Variants in CAMK1D observed in about 807,000 individuals in gnomAD.
CAMK1D encodes the protein calcium/calmodulin-dependent protein kinase type 1D.
CAMK1D carries 9 observed loss-of-function variants against 47.7 expected under a neutral mutation model. The observed-to-expected ratio is 0.19, with a 90% confidence interval of 0.11 to 0.33. CAMK1D has a LOEUF of 0.33. Among genes scored for constraint, CAMK1D ranks in the 10% least tolerant of loss-of-function variants. The pLI, the probability that CAMK1D is intolerant of heterozygous loss-of-function variation, is 1.00. For synonymous variants in CAMK1D, 184 were observed against 184.9 expected (o/e 0.99, Z 0.04); for missense variants, 291 against 488.7 (o/e 0.60, Z 3.81).
At chr10:12,385,232 C>G (rs1481656670) in intron 1 of CAMK1D, among the ~76,000 whole-genome samples, 2 of 152,192 alleles carry the variant, frequency 1.3e-5, no homozygotes, top group Non-Finnish European at 2.9e-5. Context: ...AATGAGCCAG[C>G]CATTCTGTTC....
intron 1 of CAMK1D, among the ~76,000 whole-genome samples, chr10:12,350,539 G>A (rs1837323720): frequency 2.0e-5 from 3 of 147,998 alleles, no homozygotes; most frequent in African/African-American, 7.4e-5. Flanking sequence ...CGTCTCCAAG[G>A]GAGGGTCTGT....
At chr10:12,771,869 A>G (rs1009834480) in intron 5 of CAMK1D, among the ~76,000 whole-genome samples, 3 of 152,134 alleles carry the variant, frequency 2.0e-5, no homozygotes, top group Non-Finnish European at 2.9e-5. Flanking sequence ...CCCCATCTCT[A>G]CTAAAAATAC....
chr10:12,457,133 G>A (rs1463495545), intron 1 of CAMK1D, among the ~76,000 whole-genome samples: 6 of 152,240 alleles, frequency 3.9e-5, no homozygotes, highest in Middle Eastern at 3.4e-3. Flanking sequence ...GCTCACGCCT[G>A]TAATCCCAGC....
In CAMK1D at chr10:12,833,848, T is replaced by G. The variant is rs140557319; in HGVS notation, c.*4961T>G. On this transcript the variant is annotated 3_prime_UTR_variant, in exon 11 of 11. Coordinates refer to ENST00000619168, the MANE Select transcript of CAMK1D (RefSeq NM_153498.4). ...GAAACTGTACTTCTTCCCTATTCTG[T>G]CTACCCACACTCTGCGAACTTTGCC... 2.0e-5 allele frequency: 3 copies of G among 150,968 alleles called. No individual in the cohort carries two copies. Among genetic ancestry groups the G allele is most frequent in the African/African-American group, 7.3e-5 (3 of 40,974 alleles). The allele number at this position is 150,968 out of a possible 1,614,324, so 9.4% of individuals were successfully genotyped here.
At chr10:12,515,193 T>C (rs1376174228) in intron 1 of CAMK1D, among the ~76,000 whole-genome samples, 1 of 151,872 alleles carries the variant, frequency 6.6e-6, no homozygotes. Flanking sequence ...GTTTTTAAAT[T>C]TATATGCAGT....
intron 6 of CAMK1D, among the ~76,000 whole-genome samples, chr10:12,796,916 T>G (rs1363283021): frequency 6.6e-6 from 1 of 152,242 alleles, no homozygotes; most frequent in African/African-American, 2.4e-5. Flanking sequence ...GACTGGACTG[T>G]CCACTTACTA....
chr10:12,827,888 C>T (rs1833314640), intron 10 of CAMK1D, among the ~76,000 whole-genome samples: 1 of 152,038 alleles, frequency 6.6e-6, no homozygotes, highest in Admixed American at 6.6e-5. Flanking sequence ...AGGGTTGCCC[C>T]AGCTGGTCTG....
chr10:12,555,762 G>A (rs1286516903), intron 2 of CAMK1D, among the ~76,000 whole-genome samples: 2 of 152,226 alleles, frequency 1.3e-5, no homozygotes, highest in African/African-American at 4.8e-5. Flanking sequence ...TTGATGGATC[G>A]AGGGTGATGA....
intron 5 of CAMK1D, among the ~76,000 whole-genome samples, chr10:12,777,533 C>T (rs1308561670): frequency 6.6e-6 from 1 of 151,892 alleles, no homozygotes. Flanking sequence ...CCACCATGCC[C>T]TAGGCTAATT....
intron 1 of CAMK1D, among the ~76,000 whole-genome samples, chr10:12,398,602 G>A (rs1471204600): frequency 6.6e-6 from 1 of 152,162 alleles, no homozygotes; most frequent in African/African-American, 2.4e-5. Flanking sequence ...GCCCGCCTCG[G>A]CCTCCCAAAG....
intron 1 of CAMK1D, among the ~76,000 whole-genome samples, chr10:12,376,898 T>A (rs1184477614): frequency 6.6e-6 from 1 of 151,896 alleles, no homozygotes; most frequent in Non-Finnish European, 1.5e-5. Flanking sequence ...GTAGCTGGGA[T>A]TACAGGCACC....
chr10:12,813,664 T>G (rs1832691395), intron 6 of CAMK1D, among the ~76,000 whole-genome samples: 1 of 151,712 alleles, frequency 6.6e-6, no homozygotes, highest in Admixed American at 6.5e-5. Context: ...AAATCGCAGT[T>G]TTACTCCTGT....
At chr10:12,384,636 A>G (rs1838438447) in intron 1 of CAMK1D, among the ~76,000 whole-genome samples, 1 of 152,228 alleles carries the variant, frequency 6.6e-6, no homozygotes, top group Non-Finnish European at 1.5e-5. Context: ...ATATTCGTAT[A>G]TGAAAGAGTG....
chr10:12,458,622 TCTCA>T (rs1355374669), intron 1 of CAMK1D, among the ~76,000 whole-genome samples: 1 of 151,732 alleles, frequency 6.6e-6, no homozygotes, highest in Non-Finnish European at 1.5e-5. Flanking sequence ...AGAAATGAGG[TCTCA>T]CTGTGTTGTT....
At chr10:12,567,286 T>G (rs1007042892) in intron 2 of CAMK1D, among the ~76,000 whole-genome samples, 1 of 152,190 alleles carries the variant, frequency 6.6e-6, no homozygotes, top group East Asian at 1.9e-4. Context: ...TCCTGTTTGA[T>G]CCTTTGCTTT....
intron 1 of CAMK1D, among the ~76,000 whole-genome samples, chr10:12,388,929 C>T (rs1443875667): frequency 6.6e-6 from 1 of 152,128 alleles, no homozygotes; most frequent in African/African-American, 2.4e-5. Context: ...GATGAGCCTG[C>T]GGTAAAGGCG....
chr10:12,376,944 A>G (rs1838201660), intron 1 of CAMK1D, among the ~76,000 whole-genome samples: 1 of 151,944 alleles, frequency 6.6e-6, no homozygotes, highest in African/African-American at 2.4e-5. Context: ...TATTTTTAGT[A>G]GAGACGGGGT....
chr10:12,522,169 T>G (rs2132193779), intron 1 of CAMK1D, among the ~76,000 whole-genome samples: 2 of 150,306 alleles, frequency 1.3e-5, no homozygotes, highest in South Asian at 4.2e-4. Flanking sequence ...CCTGCCTTCT[T>G]TTGTGTTATA....
chr10:12,491,490 AG>A (rs1335241156), intron 1 of CAMK1D, among the ~76,000 whole-genome samples: 1 of 151,674 alleles, frequency 6.6e-6, no homozygotes, highest in Non-Finnish European at 1.5e-5. Context: ...TTTTGTTGTG[AG>A]GGGGTGGGTG....
Sources: allele counts gnomAD v4.1 joint callset (sites outside exome capture counted in the v4.1 genomes callset), GRCh38; gene constraint gnomAD v4.1.1; transcripts MANE v1.5; gene names NCBI Gene and HGNC (gene_info 2026-07-23, HGNC 2026-07-21).